The following HYDIN variants were observed in gnomAD, a reference collection of about 807,000 sequenced individuals.
HYDIN encodes the protein HYDIN axonemal central pair apparatus protein, also known as axonemal central pair apparatus protein HYDIN.
A neutral mutation model predicts 403.9 loss-of-function variants in HYDIN; 132 were observed. That is an observed-to-expected ratio of 0.33 (90% CI 0.28 to 0.38). The LOEUF (loss-of-function observed/expected upper bound fraction) is 0.38, where lower values mean the gene tolerates loss of function less well. Among genes scored for constraint, HYDIN ranks in the 10% least tolerant of loss-of-function variants. The pLI, the probability that HYDIN is intolerant of heterozygous loss-of-function variation, is 1.00. For missense variants in HYDIN, 2,827 were observed against 5,009.5 expected, an observed-to-expected ratio of 0.56 and a Z score of 13.15; for synonymous variants, 1,202 against 1,891.7, an observed-to-expected ratio of 0.64 and a Z score of 9.46.
intron 77 of HYDIN, among the ~76,000 whole-genome samples, chr16:70,836,320 A>T (rs1597082558): frequency 6.6e-6 from 1 of 152,142 alleles, no homozygotes; most frequent in East Asian, 1.9e-4. Context: ...GACTTCAGAG[A>T]GGTGGCCAGG....
At position 70,849,854 on chromosome 16, in the gene HYDIN, T is replaced by C. The variant is rs1300280611; in HGVS notation, c.12745A>G (p.Thr4249Ala). ...SFQAQLCGSK[T>A]LLQYLEFSPI... The stretch of plus-strand genomic sequence containing the variant: ...GAAAATTCCAAGTACTGCAGCAAGG[T>C]TTTGGAGCCACACAGCTGTGCCTGG... The change falls in exon 75 of 86, where the codon ACC (threonine) becomes GCC (alanine). Residue 4249 changes from threonine (T) to alanine (A), a missense_variant. Thr to Ala is a moderately conservative substitution (Grantham distance 58, BLOSUM62 0). Transcript: ENST00000393567. 1.3e-6 allele frequency: 1 copy of C among 775,716 alleles called. No individual in the cohort carries two copies. The highest frequency in any genetic ancestry group is 1.6e-5 in the South Asian group (1 of 64,448). 48.1% of individuals were successfully genotyped at this position (775,716 alleles called of 1,614,324 possible).
rs866201822 is a variant in HYDIN at position 71,067,357 on chromosome 16, C to T, written c.2008G>A (p.Glu670Lys). The change falls in exon 15 of 86, where the codon GAG becomes AAG. Residue 670 changes from glutamate (E) to lysine (K), a missense_variant. Glu to Lys is a moderately conservative substitution (Grantham distance 56, BLOSUM62 1). Transcript: ENST00000393567. ...TLCSNTVQKY[E>K]LALVVDVEGI... Reference sequence around the variant, plus strand: ...TCCACGTCCACCACGAGTGCCAGCTCGTATTTCTGCACAGTGTTGGAGCAT... The same window carrying T: ...TCCACGTCCACCACGAGTGCCAGCTTGTATTTCTGCACAGTGTTGGAGCAT... The T allele has an allele frequency of 1.3e-5, 21 of 1,612,424 alleles. No individual in the cohort carries two copies. Among genetic ancestry groups the T allele is most frequent in the Middle Eastern group, 1.7e-4 (1 of 6,052 alleles).
chr16:71,038,970 T>C (rs1037964126), intron 18 of HYDIN, among the ~76,000 whole-genome samples: 2 of 152,234 alleles, frequency 1.3e-5, no homozygotes, highest in African/African-American at 4.8e-5. Flanking sequence ...AAATGGGGTC[T>C]CTGGTCACAT....
chr16:70,940,760 C>T (rs2077645653), intron 43 of HYDIN, among the ~76,000 whole-genome samples: 1 of 152,190 alleles, frequency 6.6e-6, no homozygotes, highest in African/African-American at 2.4e-5. Flanking sequence ...AGGACTTCGA[C>T]AGCCCAGTGT....
intron 1 of HYDIN, among the ~76,000 whole-genome samples, chr16:71,203,496 C>T (rs2144712189): frequency 6.6e-6 from 1 of 152,280 alleles, no homozygotes; most frequent in East Asian, 1.9e-4. Context: ...AAAAATGCCT[C>T]ATTTCTATTA....
At chr16:71,052,760 G>C (rs1427396427) in intron 18 of HYDIN, among the ~76,000 whole-genome samples, 1 of 122,578 alleles carries the variant, frequency 8.2e-6, no homozygotes, top group Non-Finnish European at 1.7e-5. Flanking sequence ...TGAGGTGGGA[G>C]GATGGTTTGA....
At chr16:71,096,582 G>A (rs1210126610) in intron 10 of HYDIN, among the ~76,000 whole-genome samples, 1 of 150,034 alleles carries the variant, frequency 6.7e-6, no homozygotes, top group East Asian at 2.0e-4. Context: ...AAATCTCTCT[G>A]GCTATACCTA....
chr16:70,820,062 C>T (rs1222637778), intron 83 of HYDIN, among the ~76,000 whole-genome samples: 39 of 148,678 alleles, frequency 2.6e-4, no homozygotes, highest in Non-Finnish European at 4.9e-4. Context: ...CCTCGTGATC[C>T]GCCCGCCTCG....
At position 71,203,216 on chromosome 16, in the gene HYDIN, G is replaced by A. The variant is rs139739055; in HGVS notation, c.-23-16298C>T. Among the ~76,000 whole-genome samples, 1,386 of 152,278 alleles carry A rather than the reference G, an allele frequency of 9.1e-3. 6 individuals carry two copies. Among genetic ancestry groups the A allele is most frequent in the Middle Eastern group, 0.017 (5 of 294 alleles). On this transcript the variant is annotated intron_variant, in intron 1 of 85. Transcript: ENST00000393567. ...TGAATCATAGCAGACATTGAGAGCA[G>A]TTCCAAACTTTGAGACCCTGATGTC...
chr16:70,956,314 A>G (rs1386064946), intron 39 of HYDIN, among the ~76,000 whole-genome samples: 1 of 152,072 alleles, frequency 6.6e-6, no homozygotes, highest in Non-Finnish European at 1.5e-5. Context: ...AAGAAAAAAA[A>G]TCCATCATCC....
At chr16:71,133,014 C>T (rs2084774783) in intron 8 of HYDIN, 2 of 276,352 alleles carry the variant, frequency 7.2e-6, no homozygotes, top group South Asian at 7.0e-5. Context: ...TTCAGTAAAA[C>T]CATGGGCTTA....
intron 45 of HYDIN, among the ~76,000 whole-genome samples, chr16:70,922,992 C>T (rs1321271013): frequency 3.9e-5 from 6 of 151,970 alleles, no homozygotes; most frequent in African/African-American, 1.2e-4. Context: ...GGTCTTGAAC[C>T]CCTGAGTTCA....
At chr16:71,094,756 C>T (rs1298967897) in intron 10 of HYDIN, among the ~76,000 whole-genome samples, 1 of 152,228 alleles carries the variant, frequency 6.6e-6, no homozygotes, top group Admixed American at 6.5e-5. Flanking sequence ...AAGTCTGTCC[C>T]AGCTCTCAGA....
chr16:70,938,269 A>G (rs2077556867), intron 44 of HYDIN, among the ~76,000 whole-genome samples: 2 of 152,236 alleles, frequency 1.3e-5, no homozygotes, highest in African/African-American at 4.8e-5. Flanking sequence ...ACAGAGGCTG[A>G]TAAGCCACAC....
At position 70,882,965 on chromosome 16, in the gene HYDIN, G is replaced by A. The variant is rs2040903521; in HGVS notation, c.9980-70C>T. ...ATTCCCACTCTGTGATTCCTAATTT[G>A]GAACTCTGGATTCTCACAAAGGAGA... On this transcript the variant is annotated intron_variant, in intron 59 of 85. Transcript: ENST00000393567. The A allele has an allele frequency of 3.2e-6, 4 of 1,231,376 alleles. No individual in the cohort carries two copies. The East Asian group carries it at 9.3e-5, about 29-fold the overall frequency. The allele number at this position is 1,231,376 out of a possible 1,614,324, so 76.3% of individuals were successfully genotyped here. A position where few individuals can be genotyped will look rare whatever the true frequency, so the allele number is the denominator to read the frequency against.
At chr16:70,938,200 G>T (rs368490964) in intron 44 of HYDIN, among the ~76,000 whole-genome samples, 3,426 of 152,300 alleles carry the variant, frequency 0.022, 18 homozygotes, top group Middle Eastern at 0.071. Flanking sequence ...CTATGCCCAG[G>T]TCAATAGAGT....
At chr16:71,087,290 C>T (rs1418638630) in intron 12 of HYDIN, among the ~76,000 whole-genome samples, 2 of 152,118 alleles carry the variant, frequency 1.3e-5, no homozygotes, top group South Asian at 2.1e-4. Context: ...ATTTCTGTTG[C>T]TGTCAGAAGG....
intron 1 of HYDIN, among the ~76,000 whole-genome samples, chr16:71,217,362 T>C (rs1234913918): frequency 6.6e-6 from 1 of 152,152 alleles, no homozygotes; most frequent in African/African-American, 2.4e-5. Flanking sequence ...GCCAAAATCA[T>C]CTGAATTAAG....
In HYDIN at chr16:70,850,456, A is replaced by G; in HGVS notation, c.12643T>C (p.Phe4215Leu). 1 of 1,509,092 alleles carries G rather than the reference A, an allele frequency of 6.6e-7. No homozygotes were observed. Among genetic ancestry groups the G allele is most frequent in the Non-Finnish European group, 9.1e-7 (1 of 1,099,570 alleles). 93.5% of individuals were successfully genotyped at this position (1,509,092 alleles called of 1,614,324 possible). The change falls in exon 74 of 86, where the codon TTC (phenylalanine) becomes CTC (leucine). Residue 4215 changes from phenylalanine to leucine, a missense_variant. By Grantham distance (22) the Phe-to-Leu change is conservative. Transcript: ENST00000393567. ...LTPNQTNIIN[F>L]YEVELNECVQ... ...TCTTCTTACACCTTTACCTCATAGA[A>G]GTTGATGATGTTAGTCTGGTTGGGA...
Sources: gnomAD v4.1 joint callset for allele counts (sites outside exome capture counted in the v4.1 genomes callset) on GRCh38, gnomAD v4.1.1 for gene constraint, MANE v1.5 for transcripts, NCBI Gene and HGNC (gene_info 2026-07-23, HGNC 2026-07-21) for gene names.